The following KCTD16 variants were observed in gnomAD, a reference collection of about 807,000 sequenced individuals.
KCTD16 encodes potassium channel tetramerization domain containing 16, also known as BTB/POZ domain-containing protein KCTD16.
A neutral mutation model predicts 33.2 loss-of-function variants in KCTD16; 13 were observed. The ratio of observed to expected loss-of-function variants is 0.39; its 90% CI spans 0.25 to 0.62. The LOEUF is 0.62. Among genes scored for constraint, KCTD16 ranks in the 20% least tolerant of loss-of-function variants. KCTD16 has a pLI of 0.50. For synonymous variants in KCTD16, 197 were observed against 195.3 expected (o/e 1.01, Z -0.07); for missense variants, 441 against 525.1 (o/e 0.84, Z 1.57).
At position 144,322,627 on chromosome 5, in the gene KCTD16, T is replaced by C. The variant is rs114126453; in HGVS notation, c.832+115081T>C. 9.8e-3 allele frequency among the ~76,000 whole-genome samples: 1,492 copies of C among 152,226 alleles called. 22 individuals carry two copies. The highest frequency in any genetic ancestry group is 0.034 in the African/African-American group (1,402 of 41,530). Reference sequence around the variant, plus strand: ...TGCCTGACATCACCTAATACTGTTTTATTTTTTTAAACCACTATGCAATCA... The same window carrying C: ...TGCCTGACATCACCTAATACTGTTTCATTTTTTTAAACCACTATGCAATCA... On this transcript the variant is annotated intron_variant, in intron 3 of 3. Transcript: ENST00000512467.
chr5:144,326,007 T>C (rs1291331880), intron 3 of KCTD16, among the ~76,000 whole-genome samples: 2 of 152,180 alleles, frequency 1.3e-5, no homozygotes, highest in African/African-American at 4.8e-5. Flanking sequence ...GATTAATAAT[T>C]AATGATAATA....
At chr5:144,406,455 G>T (rs1752810589) in intron 3 of KCTD16, among the ~76,000 whole-genome samples, 1 of 152,164 alleles carries the variant, frequency 6.6e-6, no homozygotes, top group African/African-American at 2.4e-5. Flanking sequence ...TAACTCAATG[G>T]CAGGGTGTCT....
intron 3 of KCTD16, among the ~76,000 whole-genome samples, chr5:144,252,076 G>T (rs1259302123): frequency 6.6e-6 from 1 of 152,008 alleles, no homozygotes; most frequent in Non-Finnish European, 1.5e-5. Flanking sequence ...CATATTCATT[G>T]CTTCACATAG....
intron 3 of KCTD16, among the ~76,000 whole-genome samples, chr5:144,418,714 A>C (rs1162504630): frequency 6.6e-6 from 1 of 152,162 alleles, no homozygotes; most frequent in Non-Finnish European, 1.5e-5. Flanking sequence ...TCTCACTTTA[A>C]CAAGTGTGGA....
chr5:144,421,970 A>C (rs1243401488), intron 3 of KCTD16, among the ~76,000 whole-genome samples: 8 of 152,036 alleles, frequency 5.3e-5, no homozygotes, highest in Middle Eastern at 6.3e-3. Context: ...AGATAGGAAA[A>C]TATTTGTCTA....
chr5:144,303,452 T>G (rs911670597), intron 3 of KCTD16, among the ~76,000 whole-genome samples: 1 of 152,160 alleles, frequency 6.6e-6, no homozygotes, highest in Non-Finnish European at 1.5e-5. Context: ...GGCTGGGTTG[T>G]TCAGAGATGG....
intron 3 of KCTD16, among the ~76,000 whole-genome samples, chr5:144,370,914 A>G (rs1427007355): frequency 6.6e-6 from 1 of 152,068 alleles, no homozygotes; most frequent in Non-Finnish European, 1.5e-5. Flanking sequence ...TGCAAAAGTT[A>G]TTGCCGTTTT....
chr5:144,469,741 G>A (rs889622154), intron 3 of KCTD16, among the ~76,000 whole-genome samples: 4 of 151,804 alleles, frequency 2.6e-5, no homozygotes, highest in Non-Finnish European at 4.4e-5. Context: ...CCTGAGACCT[G>A]CACTGCCATG....
rs77871501 is a variant in KCTD16 at position 144,423,082 on chromosome 5, A to G, written c.833-50578A>G. Among the ~76,000 whole-genome samples the G allele has an allele frequency of 5.7e-3, 868 of 152,288 alleles. 3 individuals are homozygous for G. The highest frequency in any genetic ancestry group is 9.0e-3 in the Non-Finnish European group (610 of 67,996). On this transcript the variant is annotated intron_variant, in intron 3 of 3. Coordinates refer to ENST00000512467, the MANE Select transcript of KCTD16 (RefSeq NM_020768.4). ...AAAAATGAAAGAGAATGGCATTCTC[A>G]TCAGAGAGAAGTGTAAGTTCAAATG...
chr5:144,295,674 A>G (rs1756015945), intron 3 of KCTD16, among the ~76,000 whole-genome samples: 1 of 152,246 alleles, frequency 6.6e-6, no homozygotes, highest in Admixed American at 6.5e-5. Flanking sequence ...TACATGGCAA[A>G]GGAAACTTTG....
chr5:144,198,494 T>C (rs1360194868), intron 2 of KCTD16, among the ~76,000 whole-genome samples: 2 of 152,224 alleles, frequency 1.3e-5, no homozygotes, highest in Non-Finnish European at 2.9e-5. Context: ...ATTTGTTATT[T>C]GGTGTTTGCC....
At chr5:144,321,718 A>G (rs1245877690) in intron 3 of KCTD16, among the ~76,000 whole-genome samples, 1 of 152,180 alleles carries the variant, frequency 6.6e-6, no homozygotes, top group Non-Finnish European at 1.5e-5. Flanking sequence ...TTACATTAAT[A>G]ATTTCAAGAT....
chr5:144,278,351 A>G (rs1257043604), intron 3 of KCTD16, among the ~76,000 whole-genome samples: 1 of 151,908 alleles, frequency 6.6e-6, no homozygotes, highest in Non-Finnish European at 1.5e-5. Context: ...TGTCCTATTC[A>G]TATATATAAT....
intron 3 of KCTD16, among the ~76,000 whole-genome samples, chr5:144,396,804 G>A (rs193067487): frequency 8.6e-5 from 13 of 151,690 alleles, no homozygotes; most frequent in African/African-American, 2.2e-4. Flanking sequence ...AGAAAAATCA[G>A]TCTGCTTTCC....
At chr5:144,262,706 TTTATATTACTGATCAGTTA>T (rs1299666031) in intron 3 of KCTD16, among the ~76,000 whole-genome samples, 1 of 152,252 alleles carries the variant, frequency 6.6e-6, no homozygotes, top group East Asian at 1.9e-4. Context: ...TTTGTTAGTT[TTTATATTACTGATCAGTTA>T]ATATTCATGC....
chr5:144,236,461 G>T (rs1754257011), intron 3 of KCTD16, among the ~76,000 whole-genome samples: 1 of 152,078 alleles, frequency 6.6e-6, no homozygotes, highest in Non-Finnish European at 1.5e-5. Context: ...GTTATGTCTA[G>T]AACAAAGTTT....
intron 3 of KCTD16, among the ~76,000 whole-genome samples, chr5:144,244,035 G>A (rs962223388): frequency 6.6e-6 from 1 of 152,050 alleles, no homozygotes; most frequent in Admixed American, 6.6e-5. Flanking sequence ...GAGCCACCGC[G>A]TCCAGCCCCC....
chr5:144,293,978 G>T (rs1755966307), intron 3 of KCTD16, among the ~76,000 whole-genome samples: 1 of 152,126 alleles, frequency 6.6e-6, no homozygotes. Flanking sequence ...GGACAGCATG[G>T]TGAAACCCCA....
At position 144,317,119 on chromosome 5, in the gene KCTD16, C is replaced by T. The variant is rs188685316; in HGVS notation, c.832+109573C>T. On this transcript the variant is annotated intron_variant, in intron 3 of 3. Transcript: ENST00000512467. ...GGGATTACAGGTGTGAGCCACCAAG[C>T]CCGGCCCGGCCAGCATCTTTTTAAT... Among the ~76,000 whole-genome samples, 567 of 152,160 alleles carry T rather than the reference C, an allele frequency of 3.7e-3. 3 individuals are homozygous for T. Among genetic ancestry groups the T allele is most frequent in the Non-Finnish European group, 5.7e-3 (388 of 68,010 alleles).
Sources: allele counts gnomAD v4.1 joint callset (sites outside exome capture counted in the v4.1 genomes callset), GRCh38; gene constraint gnomAD v4.1.1; transcripts MANE v1.5; gene names NCBI Gene and HGNC (gene_info 2026-07-23, HGNC 2026-07-21).